The following LRRK2 variants were observed in gnomAD, a reference collection of about 807,000 sequenced individuals.
LRRK2 encodes leucine-rich repeat serine/threonine-protein kinase 2.
LRRK2 carries 203 observed loss-of-function variants against 302.6 expected under a neutral mutation model. That is an observed-to-expected ratio of 0.67 (90% confidence interval 0.60 to 0.75). The LOEUF (loss-of-function observed/expected upper bound fraction) is 0.75, where lower values mean the gene tolerates loss of function less well. Ranked by LOEUF, LRRK2 falls within the 30% of genes least tolerant of loss-of-function variation. The pLI is 0.00. For missense variants in LRRK2, 2,830 were observed against 2,951.0 expected (o/e 0.96, Z 0.95); for synonymous variants, 1,066 against 1,031.9 (o/e 1.03, Z -0.63).
chr12:40,335,031 G>A lies in LRRK2; in HGVS notation c.5822G>A (p.Arg1941His), dbSNP rs77428810. 2.0e-4 allele frequency: 324 copies of A among 1,614,056 alleles called. No homozygotes were observed. The highest frequency in any genetic ancestry group is 3.5e-4 in the Admixed American group (21 of 60,006). ...ATATCTTTGCTGGCAGCTGGGATTC[G>A]TCCCCGGATGTTGGTGATGGAGTTA... ...SLISLLAAGI[R>H]PRMLVMELAS... The change falls in exon 40 of 51, where the codon CGT becomes CAT. Residue 1941 changes from arginine to histidine, a missense_variant. Physicochemically the swap from Arg to His is conservative, Grantham distance 29 (BLOSUM62 0). Coordinates refer to ENST00000298910, the MANE Select transcript of LRRK2 (RefSeq NM_198578.4).
intron 2 of LRRK2, among the ~76,000 whole-genome samples, chr12:40,230,668 CT>C (rs3057613): frequency 0.079 from 10,631 of 135,222 alleles, 349 homozygotes; most frequent in Admixed American, 0.13. Context: ...TGCACTTTCT[CT>C]TTTTTTTTTT....
chr12:40,290,998 C>T (rs928649335), intron 20 of LRRK2, among the ~76,000 whole-genome samples: 1 of 152,026 alleles, frequency 6.6e-6, no homozygotes, highest in Non-Finnish European at 1.5e-5. Context: ...GATGTGTCCT[C>T]TTTCTATTCA....
intron 39 of LRRK2, among the ~76,000 whole-genome samples, chr12:40,333,635 TACTA>T (rs1008826158): frequency 1.3e-5 from 2 of 151,584 alleles, no homozygotes; most frequent in African/African-American, 2.4e-5. Context: ...GGGCCACCCT[TACTA>T]AGGCAATCCC....
At position 40,294,844 on chromosome 12, in the gene LRRK2, G is replaced by A. The variant is rs768332654; in HGVS notation, c.2809-1G>A. 2.7e-6 allele frequency: 4 copies of A among 1,508,334 alleles called. No homozygotes were observed. The highest frequency in any genetic ancestry group is 3.7e-6 in the Non-Finnish European group (4 of 1,089,866). The allele number at this position is 1,508,334 out of a possible 1,614,324, so 93.4% of individuals were successfully genotyped here. ...TTTTATTATAAATTATTTTTTAATA[G>A]GGGCCCATTTTTGATCATGAAGATT... is the stretch of plus-strand genomic sequence containing the variant. On this transcript the variant is annotated splice_acceptor_variant, in intron 21 of 50. Coordinates refer to ENST00000298910, the MANE Select transcript of LRRK2 (RefSeq NM_198578.4). LOFTEE classifies it high-confidence loss of function.
chr12:40,249,132 A>G (rs1942139721), intron 7 of LRRK2, among the ~76,000 whole-genome samples: 1 of 152,168 alleles, frequency 6.6e-6, no homozygotes, highest in African/African-American at 2.4e-5. Context: ...TGTTTTAGAA[A>G]GAAGCTTGGT....
intron 45 of LRRK2, among the ~76,000 whole-genome samples, chr12:40,355,491 C>A (rs1946498098): frequency 6.9e-6 from 1 of 143,910 alleles, no homozygotes; most frequent in Non-Finnish European, 1.5e-5. Flanking sequence ...CTGGGGAATT[C>A]CTTCCTTCCT....
intron 20 of LRRK2, among the ~76,000 whole-genome samples, chr12:40,292,789 C>A (rs182853243): frequency 6.6e-6 from 1 of 151,978 alleles, no homozygotes; most frequent in African/African-American, 2.4e-5. Context: ...TTCACAAATG[C>A]ATTCACATTA....
chr12:40,231,596 G>GA (rs1374651649), intron 2 of LRRK2, among the ~76,000 whole-genome samples: 1 of 123,902 alleles, frequency 8.1e-6, no homozygotes, highest in Admixed American at 8.0e-5. Context: ...AAAAAAACAA[G>GA]AAAAAAAAAG....
chr12:40,360,171 G>A (rs1946661258), intron 47 of LRRK2, among the ~76,000 whole-genome samples: 2 of 151,870 alleles, frequency 1.3e-5, no homozygotes, highest in South Asian at 2.1e-4. Flanking sequence ...TCTTACCTGA[G>A]GATTGTAATA....
chr12:40,295,990 G>A (rs944649572), intron 23 of LRRK2, among the ~76,000 whole-genome samples: 11 of 152,276 alleles, frequency 7.2e-5, no homozygotes, highest in South Asian at 4.1e-4. Context: ...AATTAGACCT[G>A]GTTTGGTAGT....
In LRRK2 at chr12:40,225,550, T is replaced by A. The variant is rs1285898643; in HGVS notation, c.152-5T>A. The stretch of plus-strand genomic sequence containing the variant: ...GCTTCTTTTCCCCACCCACTTGTTT[T>A]CCAGCCTCCAAGTTATTTCAAGGCA... On this transcript the variant is annotated splice_region_variant and splice_polypyrimidine_tract_variant and intron_variant, in intron 1 of 50. Coordinates refer to ENST00000298910, the MANE Select transcript of LRRK2 (RefSeq NM_198578.4). 3 of 1,613,160 alleles carry A rather than the reference T, an allele frequency of 1.9e-6. No individual in the cohort carries two copies. Among genetic ancestry groups the A allele is most frequent in the Non-Finnish European group, 2.5e-6 (3 of 1,179,098 alleles).
rs113691562 is a variant in LRRK2 at position 40,225,390 on chromosome 12, T to A, written c.151+108T>A. On this transcript the variant is annotated intron_variant, in intron 1 of 50. Coordinates refer to ENST00000298910, the MANE Select transcript of LRRK2 (RefSeq NM_198578.4). Reference sequence around the variant, plus strand: ...CTTGACCCTGCTCAAACCCGGACTCTTAAGGAGCCGCAAACTCCCATATCC... The same window carrying A: ...CTTGACCCTGCTCAAACCCGGACTCATAAGGAGCCGCAAACTCCCATATCC... The A allele has an allele frequency of 4.9e-5, 69 of 1,405,540 alleles. No individual in the cohort carries two copies. The African/African-American group carries it at 5.1e-4, about 10-fold the overall frequency. The allele number at this position is 1,405,540 out of a possible 1,614,324, so 87.1% of individuals were successfully genotyped here. A position where few individuals can be genotyped will look rare whatever the true frequency, so the allele number is the denominator to read the frequency against.
At chr12:40,328,780 G>T (rs1479629791) in intron 39 of LRRK2, among the ~76,000 whole-genome samples, 1 of 152,082 alleles carries the variant, frequency 6.6e-6, no homozygotes, top group Non-Finnish European at 1.5e-5. Flanking sequence ...CAAGCAGCCA[G>T]GCATTACCTA....
Position 40,251,350 on chromosome 12 carries a change from G to T in LRRK2, c.1077G>T (p.Trp359Cys), listed in dbSNP as rs201546601. The T allele has an allele frequency of 7.4e-6, 12 of 1,613,862 alleles. No homozygotes were observed. Among genetic ancestry groups the T allele is most frequent in the Middle Eastern group, 1.6e-4 (1 of 6,062 alleles). The change falls in exon 9 of 51, where the codon TGG (tryptophan) becomes TGT (cysteine). Residue 359 changes from tryptophan (W) to cysteine (C), a missense_variant. Physicochemically the swap from Trp to Cys is radical, Grantham distance 215. Transcript: ENST00000298910. ...WLEACYKALTWHRKNKHVQEA... is the reference protein window; with the variant it reads ...WLEACYKALTCHRKNKHVQEA... The stretch of plus-strand genomic sequence containing the variant: ...AAGCCTGTTACAAAGCATTAACGTG[G>T]CATAGAAAGAACAAGCACGTGCAGG...
At chr12:40,259,701 A>G in intron 13 of LRRK2, 97 bp downstream of exon 13, 1 of 1,463,982 alleles carries the variant, frequency 6.8e-7, no homozygotes, top group Middle Eastern at 1.8e-4. Context: ...TTAAAAGACT[A>G]GTTTCTGTCG....
intron 47 of LRRK2, among the ~76,000 whole-genome samples, 153 bp downstream of exon 47, chr12:40,359,597 T>C (rs575470477): frequency 2.0e-5 from 3 of 152,138 alleles, no homozygotes; most frequent in Non-Finnish European, 4.4e-5. Context: ...TTATAAAAAA[T>C]TTTGAAAATT....
chr12:40,365,737 T>G (rs150100942), intron 49 of LRRK2: 154 of 152,108 alleles, frequency 1.0e-3, no homozygotes, highest in African/African-American at 3.4e-3. Context: ...CTTTAGCAAA[T>G]AATGAATGTT....
At chr12:40,319,601 T>C (rs571957253) in intron 33 of LRRK2, among the ~76,000 whole-genome samples, 5 of 151,916 alleles carry the variant, frequency 3.3e-5, no homozygotes, top group Admixed American at 6.6e-5. Context: ...GTAATATTTC[T>C]ATTTCAAACC....
chr12:40,254,699 C>T (rs867644516), intron 11 of LRRK2, among the ~76,000 whole-genome samples: 2 of 152,132 alleles, frequency 1.3e-5, no homozygotes, highest in African/African-American at 2.4e-5. Flanking sequence ...TGTGAAATTT[C>T]GACTGCTTCC....
Sources: gnomAD v4.1 joint callset for allele counts (sites outside exome capture counted in the v4.1 genomes callset) on GRCh38, gnomAD v4.1.1 for gene constraint, MANE v1.5 for transcripts, NCBI Gene and HGNC (gene_info 2026-07-23, HGNC 2026-07-21) for gene names.